Variants in KCNMB3 observed in about 807,000 individuals in gnomAD.
KCNMB3 encodes the protein potassium calcium-activated channel subfamily M regulatory beta subunit 3.
A neutral mutation model predicts 11.9 loss-of-function variants in KCNMB3; 18 were observed. That is an observed-to-expected ratio of 1.51 (90% CI 1.04 to 2.23). The LOEUF is 2.23. Among genes scored for constraint, KCNMB3 ranks in the 30% most tolerant of loss-of-function variants. The probability of loss-of-function intolerance (pLI) is 0.00; values close to 1 mark genes in which losing one functional copy is unlikely to be tolerated. For synonymous variants in KCNMB3, 78 were observed against 119.2 expected (o/e 0.65, Z 2.25); for missense variants, 247 against 329.4 (o/e 0.75, Z 1.94).
intron 1 of KCNMB3, among the ~76,000 whole-genome samples, chr3:179,250,385 A>G (rs770853587): frequency 2.9e-4 from 44 of 152,184 alleles, no homozygotes; most frequent in Non-Finnish European, 1.3e-4. Flanking sequence ...GACTCAAAAA[A>G]CTTTTATTGT....
At chr3:179,255,634 A>G (rs1209223087), upstream of KCNMB3, among the ~76,000 whole-genome samples, 1 of 152,186 alleles carries the variant, frequency 6.6e-6, no homozygotes, top group Non-Finnish European at 1.5e-5. Context: ...TTCCAGAAGA[A>G]AAGAGACATA....
chr3:179,259,206 G>C, intron 1 of KCNMB3: 2 of 1,542,002 alleles, frequency 1.3e-6, no homozygotes, highest in Non-Finnish European at 1.7e-6. Context: ...ACACCTCTCT[G>C]TACTTTCTGC....
chr3:179,261,419 C>T (rs1012128349), intron 1 of KCNMB3: 57 of 1,053,304 alleles, frequency 5.4e-5, no homozygotes, highest in Non-Finnish European at 6.0e-5. Flanking sequence ...GCTTCCGGGG[C>T]CAAGAGCCAG....
upstream of KCNMB3, among the ~76,000 whole-genome samples, chr3:179,256,206 T>A (rs893271120): frequency 6.6e-6 from 1 of 152,172 alleles, no homozygotes; most frequent in African/African-American, 2.4e-5. Context: ...GAGGCCCAGG[T>A]GGGCAGATCA....
chr3:179,259,320 C>T, intron 1 of KCNMB3: 1 of 1,563,000 alleles, frequency 6.4e-7, no homozygotes, highest in South Asian at 1.3e-5. Flanking sequence ...TTAAGTGGCA[C>T]CAGCTATTTT....
intron 1 of KCNMB3, chr3:179,259,518 T>C: frequency 1.2e-6 from 2 of 1,611,362 alleles, no homozygotes; most frequent in Non-Finnish European, 1.7e-6. Flanking sequence ...CTCTGGACAA[T>C]CAACATTTTC....
chr3:179,242,118 AG>A (rs1394108659), downstream of KCNMB3: 4 of 152,460 alleles, frequency 2.6e-5, no homozygotes, highest in Admixed American at 2.0e-4. Flanking sequence ...ACTAAAGCCA[AG>A]CGCAGTGGCT....
At chr3:179,261,554 C>T (rs1212591969) in intron 1 of KCNMB3, among the ~76,000 whole-genome samples, 1 of 151,996 alleles carries the variant, frequency 6.6e-6, no homozygotes, top group Non-Finnish European at 1.5e-5. Context: ...CGGGCGCCTC[C>T]GCCCGCCCCA....
exon 1 of KCNMB3, chr3:179,266,734 G>C (rs1311343865): frequency 6.2e-7 from 1 of 1,613,430 alleles, no homozygotes; most frequent in Non-Finnish European, 8.5e-7. Flanking sequence ...TGAGAAAATG[G>C]CTCCCTTTCA....
intron 1 of KCNMB3, among the ~76,000 whole-genome samples, chr3:179,245,802 A>G (rs1725622288): frequency 6.6e-6 from 1 of 152,176 alleles, no homozygotes; most frequent in East Asian, 1.9e-4. Flanking sequence ...CCTGGTCTGA[A>G]TTAAATTTTA....
intron 1 of KCNMB3, among the ~76,000 whole-genome samples, chr3:179,263,673 A>G (rs1218326632): frequency 6.6e-6 from 1 of 152,190 alleles, no homozygotes; most frequent in Non-Finnish European, 1.5e-5. Flanking sequence ...AGAAGAGAAC[A>G]AAAACTCACC....
chr3:179,249,952 G>T (rs1432393347), intron 1 of KCNMB3, among the ~76,000 whole-genome samples: 1 of 152,132 alleles, frequency 6.6e-6, no homozygotes, highest in African/African-American at 2.4e-5. Context: ...CAGGTGATGG[G>T]TTGATCTGTG....
chr3:179,243,977 GT>G (rs1483170346), intron 2 of KCNMB3, among the ~76,000 whole-genome samples: 1 of 152,140 alleles, frequency 6.6e-6, no homozygotes, highest in Non-Finnish European at 1.5e-5. Flanking sequence ...ACAATAAAAT[GT>G]AACATGTCAA....
upstream of KCNMB3, among the ~76,000 whole-genome samples, chr3:179,252,893 G>A (rs867602214): frequency 1.3e-5 from 2 of 151,714 alleles, no homozygotes; most frequent in East Asian, 1.9e-4. Flanking sequence ...CACCACGCCC[G>A]GCTAATTTTT....
At position 179,263,448 on chromosome 3, in the gene KCNMB3, G is replaced by A. The variant is rs113081021; in HGVS notation, c.62+3201C>T. Among the ~76,000 whole-genome samples, 472 of 152,370 alleles carry A rather than the reference G, an allele frequency of 3.1e-3. 1 individual carries two copies. The highest frequency in any genetic ancestry group is 0.011 in the African/African-American group (440 of 41,594). On this transcript the variant is annotated intron_variant, in intron 1 of 3. Coordinates refer to the KCNMB3 transcript ENST00000349697. ...CTCTAGCCTTGGCCAGCCCAGAAAG[G>A]GGCTCCTCAGGCGCGGCCAGAGTGG...
Position 179,250,853 on chromosome 3 carries a change from T to G in KCNMB3, c.138A>C (p.Pro46=). ...GDPLDVHKRL[P]SSAGEDRAVM... Reference sequence around the variant, plus strand: ...CGGCTCGGTCCTCTCCAGCACTGGATGGCAGCCTCTTGTGCACATCTAGTG... The same window carrying G: ...CGGCTCGGTCCTCTCCAGCACTGGAGGGCAGCCTCTTGTGCACATCTAGTG... Residue 46 remains proline (P), a synonymous_variant, in exon 1 of 3, where the codon CCA becomes CCC. Coordinates refer to ENST00000392685, the MANE Select transcript of KCNMB3 (RefSeq NM_171830.2). 1.2e-6 allele frequency: 2 copies of G among 1,614,162 alleles called. No individual in the cohort carries two copies. Among genetic ancestry groups the G allele is most frequent in the Non-Finnish European group, 1.7e-6 (2 of 1,180,036 alleles).
chr3:179,247,453 G>A (rs1044250968), intron 1 of KCNMB3, among the ~76,000 whole-genome samples: 2 of 151,962 alleles, frequency 1.3e-5, no homozygotes. Flanking sequence ...TTGAGCCTAG[G>A]AGTTTGAGAC....
rs188056620 is a variant in KCNMB3 at position 179,266,492 on chromosome 3, C to T, written c.62+157G>A. 6.6e-5 allele frequency among the ~76,000 whole-genome samples: 10 copies of T among 152,310 alleles called. No homozygotes were observed. In the East Asian group the frequency reaches 1.9e-3, roughly 29 times the overall value. ...CTGCAGCCCCGTGATGTGAGTGCTACTGGGGAAGCCTGCTGGGTACCCTGG... is the reference window on the plus strand; with the variant it reads ...CTGCAGCCCCGTGATGTGAGTGCTATTGGGGAAGCCTGCTGGGTACCCTGG... On this transcript the variant is annotated intron_variant, in intron 1 of 3. Transcript: ENST00000349697.
At chr3:179,243,667 T>TAAGTAACGCTTA (rs1462869409) in intron 2 of KCNMB3, among the ~76,000 whole-genome samples, 1 of 152,228 alleles carries the variant, frequency 6.6e-6, no homozygotes, top group East Asian at 1.9e-4. Flanking sequence ...GTAATGCCTC[T>TAAGTAACGCTTA]GTTGTCTCTG....
Sources: allele counts gnomAD v4.1 joint callset (sites outside exome capture counted in the v4.1 genomes callset), GRCh38; gene constraint gnomAD v4.1.1; transcripts MANE v1.5; gene names NCBI Gene and HGNC (gene_info 2026-07-23, HGNC 2026-07-21).